Variants in ACOT7 observed in about 807,000 individuals in gnomAD.
The protein encoded by ACOT7 is cytosolic acyl coenzyme A thioester hydrolase.
ACOT7 carries 12 observed loss-of-function variants against 40.2 expected under a neutral mutation model. The observed-to-expected ratio is 0.30, with a 90% CI of 0.19 to 0.48. ACOT7 has a LOEUF of 0.48. Among genes scored for constraint, ACOT7 ranks in the 20% least tolerant of loss-of-function variants. ACOT7 has a pLI of 0.99. For missense variants in ACOT7, 395 were observed against 530.8 expected, an observed-to-expected ratio of 0.74 and a Z score of 2.51; for synonymous variants, 228 against 219.5, an observed-to-expected ratio of 1.04 and a Z score of -0.34.
At chr1:6,354,854 C>G (rs1641699510) in intron 1 of ACOT7, among the ~76,000 whole-genome samples, 3 of 131,454 alleles carry the variant, frequency 2.3e-5, no homozygotes, top group Admixed American at 7.7e-5. Context: ...GGCCTCTGCA[C>G]TGCCCCTCAC....
intron 1 of ACOT7, among the ~76,000 whole-genome samples, chr1:6,353,458 AC>A (rs1431161859): frequency 6.6e-6 from 1 of 152,060 alleles, no homozygotes; most frequent in African/African-American, 2.4e-5. Flanking sequence ...AAATGGCAAA[AC>A]CCCATCTCTA....
chr1:6,324,200 C>T (rs963925740), intron 5 of ACOT7, among the ~76,000 whole-genome samples: 9 of 152,020 alleles, frequency 5.9e-5, no homozygotes, highest in South Asian at 2.1e-4. Context: ...ACTGAGATAC[C>T]GGCTCTACCA....
intron 4 of ACOT7, among the ~76,000 whole-genome samples, chr1:6,333,197 C>A (rs1432045272): frequency 6.6e-6 from 1 of 152,282 alleles, no homozygotes; most frequent in African/African-American, 2.4e-5. Flanking sequence ...CTTGCGCTCA[C>A]ATTCCCAGCA....
chr1:6,325,125 G>A (rs1448156393), intron 5 of ACOT7, among the ~76,000 whole-genome samples: 2 of 152,222 alleles, frequency 1.3e-5, no homozygotes, highest in Non-Finnish European at 2.9e-5. Context: ...TCAGCCGGGC[G>A]CAGTGGCTCA....
intron 8 of ACOT7, among the ~76,000 whole-genome samples, chr1:6,279,461 A>G (rs917453410): frequency 6.6e-6 from 1 of 152,236 alleles, no homozygotes; most frequent in Non-Finnish European, 1.5e-5. Flanking sequence ...GGCTGAAGGC[A>G]TGGAGCAGTC....
chr1:6,370,553 G>A (rs1283539162), intron 1 of ACOT7, among the ~76,000 whole-genome samples: 1 of 150,548 alleles, frequency 6.6e-6, no homozygotes, highest in African/African-American at 2.4e-5. Flanking sequence ...GCAGTGGTGC[G>A]ATCTCAGCTC....
At chr1:6,391,895 A>T (rs1164152000) in intron 1 of ACOT7, among the ~76,000 whole-genome samples, 2 of 151,762 alleles carry the variant, frequency 1.3e-5, no homozygotes, top group Non-Finnish European at 2.9e-5. Context: ...TACTCAGCAG[A>T]GCTGATTCAG....
At chr1:6,315,903 A>G (rs1359062301) in intron 6 of ACOT7, among the ~76,000 whole-genome samples, 1 of 152,128 alleles carries the variant, frequency 6.6e-6, no homozygotes, top group African/African-American at 2.4e-5. Context: ...ATGTGCCTGT[A>G]TCAGTGAAGC....
chr1:6,268,839 G>A (rs1388075888), intron 8 of ACOT7, among the ~76,000 whole-genome samples: 1 of 152,216 alleles, frequency 6.6e-6, no homozygotes, highest in Non-Finnish European at 1.5e-5. Flanking sequence ...TGGAATAGGA[G>A]TAACTTCCTA....
chr1:6,344,426 C>G lies in ACOT7; in HGVS notation c.262-4837G>C, dbSNP rs560031799. Among the ~76,000 whole-genome samples the G allele has an allele frequency of 4.6e-5, 7 of 152,158 alleles. No homozygotes were observed. The East Asian group carries it at 1.2e-3, about 25-fold the overall frequency. On this transcript the variant is annotated intron_variant, in intron 2 of 8. Transcript: ENST00000361521. ...GCCTGTCCTTCATAGGGCAGAAGGC[C>G]ACTGATGACCCTTGAGCTTGGTTCT...
Position 6,306,752 on chromosome 1 carries a change from C to T in ACOT7, c.712+11740G>A. On this transcript the variant is annotated intron_variant, in intron 6 of 8. Coordinates refer to ENST00000361521, the MANE Select transcript of ACOT7 (RefSeq NM_007274.4). This position sits in a 1 kb window ranked among gnomAD's most constrained non-coding sequence, Gnocchi z 4.3. ...AGCTCTTCGTCCACCTTTTTCCTTC[C>T]TTGCCCCAACACTGAGGGTCTGGTG... is the stretch of plus-strand genomic sequence containing the variant. The T allele has an allele frequency of 1.6e-6, 2 of 1,259,084 alleles. No individual in the cohort carries two copies. The highest frequency in any genetic ancestry group is 2.5e-5 in the Admixed American group (1 of 40,208). 78.0% of individuals were successfully genotyped at this position (1,259,084 alleles called of 1,614,324 possible).
chr1:6,392,554 G>A (rs993460232), intron 1 of ACOT7, among the ~76,000 whole-genome samples: 3 of 152,184 alleles, frequency 2.0e-5, no homozygotes, highest in Non-Finnish European at 4.4e-5. Context: ...AGAAGAGGGG[G>A]TGCTCTAGAA....
intron 6 of ACOT7, among the ~76,000 whole-genome samples, chr1:6,310,302 A>C (rs1640294792): frequency 6.6e-6 from 1 of 152,204 alleles, no homozygotes; most frequent in Non-Finnish European, 1.5e-5. Flanking sequence ...AAAGAGGAGG[A>C]GGCAGAGCCT....
chr1:6,347,848 C>T (rs1198515636), intron 2 of ACOT7, among the ~76,000 whole-genome samples: 1 of 152,076 alleles, frequency 6.6e-6, no homozygotes, highest in Non-Finnish European at 1.5e-5. Context: ...GCTCCTGAAG[C>T]ATTCTGGAGC....
intron 6 of ACOT7, chr1:6,295,215 A>C: frequency 2.3e-6 from 1 of 436,784 alleles, no homozygotes; most frequent in Non-Finnish European, 4.2e-6. Flanking sequence ...CACTAACAAA[A>C]CAGCCCTTTT....
intron 1 of ACOT7, among the ~76,000 whole-genome samples, chr1:6,356,241 G>A (rs1206778450): frequency 6.6e-6 from 1 of 152,116 alleles, no homozygotes; most frequent in Non-Finnish European, 1.5e-5. Context: ...CGGGAGCATG[G>A]CCCTGCCCAC....
At chr1:6,322,644 T>G (rs895724464) in intron 5 of ACOT7, among the ~76,000 whole-genome samples, 4 of 152,238 alleles carry the variant, frequency 2.6e-5, no homozygotes, top group Admixed American at 2.0e-4. Context: ...CCTCTGTGTG[T>G]GTCTGTCCTA....
At chr1:6,344,252 G>T (rs1002394312) in intron 2 of ACOT7, among the ~76,000 whole-genome samples, 4 of 152,180 alleles carry the variant, frequency 2.6e-5, no homozygotes, top group African/African-American at 9.7e-5. Context: ...GCTCAGAGGA[G>T]GCACAAAAGC....
intron 6 of ACOT7, among the ~76,000 whole-genome samples, chr1:6,309,553 T>A (rs1571295689): frequency 6.6e-6 from 1 of 152,370 alleles, no homozygotes; most frequent in Non-Finnish European, 1.5e-5. Flanking sequence ...CGAAAACATC[T>A]TTAGCTATCT....
Sources: allele counts gnomAD v4.1 joint callset (sites outside exome capture counted in the v4.1 genomes callset), GRCh38; gene constraint gnomAD v4.1.1; non-coding constraint Gnocchi (gnomAD v3.1); transcripts MANE v1.5; gene names NCBI Gene and HGNC (gene_info 2026-07-23, HGNC 2026-07-21).